Variants in TMEM260 observed in about 807,000 individuals in gnomAD.
TMEM260 encodes the protein protein O-mannosyl-transferase TMEM260.
TMEM260 carries 82 observed loss-of-function variants against 88.9 expected under a neutral mutation model. The observed-to-expected ratio is 0.92, with a 90% CI of 0.77 to 1.11. The LOEUF is 1.11. Among genes scored for constraint, TMEM260 ranks in the 50% least tolerant of loss-of-function variants. The probability of loss-of-function intolerance (pLI) is 0.00; values close to 1 mark genes in which losing one functional copy is unlikely to be tolerated. For missense variants in TMEM260, 902 were observed against 853.4 expected (o/e 1.06, Z -0.71); for synonymous variants, 314 against 309.3 (o/e 1.02, Z -0.16).
intron 15 of TMEM260, among the ~76,000 whole-genome samples, chr14:56,641,058 CA>C (rs755590564): frequency 0.025 from 3,658 of 147,304 alleles, 83 homozygotes; most frequent in East Asian, 0.063. Flanking sequence ...CTGAAAGTGA[CA>C]GGAAGAATGG....
downstream of TMEM260, among the ~76,000 whole-genome samples, chr14:56,653,535 A>AC (rs1890242968): frequency 1.3e-5 from 2 of 151,918 alleles, no homozygotes; most frequent in Middle Eastern, 3.4e-3. Context: ...GGAGTTCGAG[A>AC]CCAGCCTGGG....
At chr14:56,641,559 A>T (rs887444478) in intron 15 of TMEM260, among the ~76,000 whole-genome samples, 1 of 152,226 alleles carries the variant, frequency 6.6e-6, no homozygotes, top group African/African-American at 2.4e-5. Context: ...CACTGCAAAA[A>T]CATGCCAAAT....
At chr14:56,617,514 AGTAAAT>A (rs1344155911) in intron 9 of TMEM260, among the ~76,000 whole-genome samples, 3 of 152,218 alleles carry the variant, frequency 2.0e-5, no homozygotes, top group Non-Finnish European at 4.4e-5. Flanking sequence ...TAAATAGAAA[AGTAAAT>A]GTAAAGTAGA....
chr14:56,591,756 A>C (rs1885878539), intron 3 of TMEM260, among the ~76,000 whole-genome samples: 1 of 152,248 alleles, frequency 6.6e-6, no homozygotes, highest in Non-Finnish European at 1.5e-5. Flanking sequence ...GCATACTGTG[A>C]AAACTTAGTA....
intron 1 of TMEM260, among the ~76,000 whole-genome samples, chr14:56,581,555 G>A (rs1885135357): frequency 6.6e-6 from 1 of 152,156 alleles, no homozygotes; most frequent in South Asian, 2.1e-4. Flanking sequence ...AAGATTGACA[G>A]CTACTTATGG....
the TMEM260 span, among the ~76,000 whole-genome samples, chr14:56,662,380 T>C: frequency 6.6e-6 from 1 of 152,126 alleles, no homozygotes; most frequent in Non-Finnish European, 1.5e-5. Context: ...CTCTCAAAAC[T>C]TCTCTGCAGA....
At chr14:56,620,753 A>G (rs1566557209) in intron 10 of TMEM260, among the ~76,000 whole-genome samples, 2 of 152,212 alleles carry the variant, frequency 1.3e-5, no homozygotes, top group Non-Finnish European at 2.9e-5. Context: ...CATCAAATGT[A>G]ATGGACTTGG....
intron 6 of TMEM260, among the ~76,000 whole-genome samples, chr14:56,611,437 A>G (rs1887270148): frequency 6.6e-6 from 1 of 152,238 alleles, no homozygotes; most frequent in African/African-American, 2.4e-5. Flanking sequence ...AGCATATGAA[A>G]AAGTGCTCAG....
intron 2 of TMEM260, 111 bp from the exon 3 acceptor site, chr14:56,585,650 G>T: frequency 1.0e-6 from 1 of 970,150 alleles, no homozygotes; most frequent in Non-Finnish European, 1.5e-6. Context: ...TTTAGTCATT[G>T]GTGCCTAATC....
At chr14:56,587,067 T>G (rs1365511672) in intron 3 of TMEM260, among the ~76,000 whole-genome samples, 1 of 151,896 alleles carries the variant, frequency 6.6e-6, no homozygotes, top group Non-Finnish European at 1.5e-5. Flanking sequence ...TTGTTCCTTC[T>G]GAGTCTTTTG....
intron 15 of TMEM260, among the ~76,000 whole-genome samples, chr14:56,641,631 T>C (rs537415404): frequency 2.0e-4 from 30 of 152,252 alleles, no homozygotes; most frequent in Non-Finnish European, 1.5e-4. Flanking sequence ...AACCAGCTAA[T>C]ATCATAATGA....
the TMEM260 span, among the ~76,000 whole-genome samples, chr14:56,657,984 C>A: frequency 6.6e-6 from 1 of 152,114 alleles, no homozygotes; most frequent in Admixed American, 6.5e-5. Context: ...GAAATATTCC[C>A]ACCTCTCCCA....
At chr14:56,625,120 G>T (rs1401797293) in intron 11 of TMEM260, among the ~76,000 whole-genome samples, 1 of 152,152 alleles carries the variant, frequency 6.6e-6, no homozygotes, top group African/African-American at 2.4e-5. Flanking sequence ...TAAGAATGGG[G>T]GAAGGTCCTT....
At chr14:56,638,607 T>G (rs1425721944) in intron 15 of TMEM260, among the ~76,000 whole-genome samples, 1 of 152,060 alleles carries the variant, frequency 6.6e-6, no homozygotes, top group Non-Finnish European at 1.5e-5. Flanking sequence ...TTGCACATAG[T>G]CTCCAGATGT....
chr14:56,626,479 G>A (rs994573171), intron 12 of TMEM260, among the ~76,000 whole-genome samples: 10 of 152,132 alleles, frequency 6.6e-5, no homozygotes, highest in Admixed American at 1.3e-4. Context: ...AGATGAATGG[G>A]ACTCAGTTCC....
intron 8 of TMEM260, chr14:56,616,237 A>T (rs1288557350): frequency 2.2e-6 from 1 of 447,982 alleles, no homozygotes; most frequent in African/African-American, 2.0e-5. Flanking sequence ...ATTATATTAC[A>T]TCTAAGTAGA....
the TMEM260 span, among the ~76,000 whole-genome samples, chr14:56,657,179 C>G: frequency 2.0e-5 from 3 of 152,156 alleles, no homozygotes; most frequent in Non-Finnish European, 1.5e-5. Context: ...GCTTGCAGTC[C>G]AGAGCACAGG....
At chr14:56,590,494 A>G (rs893065668) in intron 3 of TMEM260, among the ~76,000 whole-genome samples, 1 of 152,218 alleles carries the variant, frequency 6.6e-6, no homozygotes, top group African/African-American at 2.4e-5. Context: ...ACTAAATCCC[A>G]TGTGTAAGAT....
chr14:56,610,301 C>G (rs1390131144), intron 6 of TMEM260, among the ~76,000 whole-genome samples: 2 of 152,062 alleles, frequency 1.3e-5, no homozygotes, highest in South Asian at 4.2e-4. Flanking sequence ...AGTGCAGTGG[C>G]GCGATCTCAG....
Sources: allele counts gnomAD v4.1 joint callset (sites outside exome capture counted in the v4.1 genomes callset), GRCh38; gene constraint gnomAD v4.1.1; transcripts MANE v1.5; gene names NCBI Gene and HGNC (gene_info 2026-07-23, HGNC 2026-07-21).